The following ULK4 variants were observed in gnomAD, a reference collection of about 807,000 sequenced individuals.
ULK4 encodes the protein inactive serine/threonine-protein kinase ULK4.
Under a neutral mutation model 160.6 loss-of-function variants are expected in ULK4, and 133 were observed. The observed-to-expected ratio is 0.83, with a 90% CI of 0.72 to 0.96. ULK4 has a LOEUF of 0.96. ULK4 is among the 40% of genes least tolerant of loss of function. The pLI is 0.00. For missense variants in ULK4, 1,580 were observed against 1,499.5 expected, an observed-to-expected ratio of 1.05 and a Z score of -0.89; for synonymous variants, 534 against 539.8, an observed-to-expected ratio of 0.99 and a Z score of 0.15.
intron 5 of ULK4, 91 bp from the exon 6 acceptor site, chr3:41,919,909 G>T: frequency 1.4e-6 from 1 of 691,162 alleles, no homozygotes; most frequent in Non-Finnish European, 2.4e-6. Context: ...AGATGAAAAA[G>T]GGCAGGAGAA....
At chr3:41,478,031 T>C (rs2084199538) in intron 32 of ULK4, among the ~76,000 whole-genome samples, 2 of 152,360 alleles carry the variant, frequency 1.3e-5, no homozygotes, top group South Asian at 4.1e-4. Context: ...AACCCAGCTC[T>C]ACTCCTCCTC....
chr3:41,896,012 A>C (rs934212876), intron 15 of ULK4, among the ~76,000 whole-genome samples: 8 of 152,168 alleles, frequency 5.3e-5, no homozygotes, highest in Admixed American at 1.3e-4. Context: ...AAAACCAAAA[A>C]AACTCTGACA....
chr3:41,544,275 G>T (rs922421216), intron 32 of ULK4, among the ~76,000 whole-genome samples: 2 of 152,150 alleles, frequency 1.3e-5, no homozygotes, highest in Non-Finnish European at 2.9e-5. Context: ...GCCACAGAAT[G>T]GTCCATTCAT....
chr3:41,486,025 C>G (rs867825087), intron 32 of ULK4, among the ~76,000 whole-genome samples: 1 of 152,294 alleles, frequency 6.6e-6, no homozygotes, highest in Middle Eastern at 3.4e-3. Flanking sequence ...AACTGCCGTT[C>G]CTTGGTTTGC....
intron 4 of ULK4, among the ~76,000 whole-genome samples, chr3:41,932,670 T>C (rs1311160483): frequency 6.6e-6 from 1 of 152,246 alleles, no homozygotes; most frequent in Non-Finnish European, 1.5e-5. Context: ...CAGTAACTAA[T>C]GTTCTGTTAC....
intron 2 of ULK4, among the ~76,000 whole-genome samples, chr3:41,951,842 G>A (rs1323877193): frequency 1.3e-5 from 2 of 152,152 alleles, no homozygotes; most frequent in African/African-American, 4.8e-5. Context: ...TTCCTCTTCT[G>A]CCATGTGGGA....
intron 32 of ULK4, among the ~76,000 whole-genome samples, chr3:41,468,011 A>G (rs142669292): frequency 1.8e-4 from 28 of 152,350 alleles, no homozygotes; most frequent in African/African-American, 6.7e-4. Context: ...AGATAAATAA[A>G]GCAGTATGTG....
At chr3:41,426,481 C>T (rs2082778490) in intron 34 of ULK4, among the ~76,000 whole-genome samples, 1 of 152,118 alleles carries the variant, frequency 6.6e-6, no homozygotes. Context: ...CTTCTTGGTG[C>T]CAAATGGCAC....
At chr3:41,429,606 G>A (rs1484938313) in intron 34 of ULK4, among the ~76,000 whole-genome samples, 1 of 152,146 alleles carries the variant, frequency 6.6e-6, no homozygotes, top group African/African-American at 2.4e-5. Context: ...GGATGGAGCT[G>A]GAAGCCATTA....
chr3:41,927,920 C>A (rs1250472686), intron 5 of ULK4, among the ~76,000 whole-genome samples: 2 of 152,060 alleles, frequency 1.3e-5, no homozygotes, highest in Non-Finnish European at 2.9e-5. Flanking sequence ...GACTTTAACA[C>A]CCCACTGTCA....
chr3:41,879,917 G>C (rs1697448795), intron 17 of ULK4, among the ~76,000 whole-genome samples: 1 of 152,170 alleles, frequency 6.6e-6, no homozygotes, highest in African/African-American at 2.4e-5. Context: ...AAGAGTTCGT[G>C]ATCAGCCTGG....
chr3:41,282,923 G>T (rs1488724990), intron 35 of ULK4, among the ~76,000 whole-genome samples: 1 of 147,400 alleles, frequency 6.8e-6, no homozygotes, highest in Admixed American at 6.7e-5. Flanking sequence ...CTAATATCTA[G>T]AATCTACAAA....
At chr3:41,864,358 GTTT>G (rs2042570169) in intron 17 of ULK4, among the ~76,000 whole-genome samples, 1 of 78,844 alleles carries the variant, frequency 1.3e-5, no homozygotes, top group South Asian at 3.1e-4. Flanking sequence ...GTTTTGTTTT[GTTT>G]TGTTTTGTTT....
chr3:41,603,615 T>C (rs2032226431), intron 31 of ULK4, among the ~76,000 whole-genome samples: 1 of 151,562 alleles, frequency 6.6e-6, no homozygotes, highest in African/African-American at 2.4e-5. Context: ...CCATAGAACA[T>C]AAAGATAAAA....
chr3:41,247,013 G>C lies in ULK4; in HGVS notation c.3765-21C>G, dbSNP rs751299549. On this transcript the variant is annotated intron_variant, in intron 36 of 36. Transcript: ENST00000301831. ...ATGAACTGTAAGAAAAACCAAAGTA[G>C]GTACACTTAATAGGCATCTCTAAGG... The C allele has an allele frequency of 9.9e-6, 16 of 1,611,994 alleles. No homozygotes were observed. In the East Asian group the frequency reaches 3.6e-4, roughly 36 times the overall value.
intron 35 of ULK4, among the ~76,000 whole-genome samples, chr3:41,377,803 G>T (rs1478974211): frequency 1.4e-5 from 2 of 147,824 alleles, no homozygotes; most frequent in African/African-American, 5.1e-5. Flanking sequence ...AACCATTGTG[G>T]AAGTCAGTGT....
At chr3:41,440,860 G>T (rs955200676) in intron 34 of ULK4, among the ~76,000 whole-genome samples, 5 of 152,012 alleles carry the variant, frequency 3.3e-5, no homozygotes, top group Admixed American at 6.5e-5. Context: ...TTTCTTGAGT[G>T]AGTTTAATAG....
At chr3:41,643,366 G>C (rs1421281551) in intron 30 of ULK4, among the ~76,000 whole-genome samples, 3 of 152,166 alleles carry the variant, frequency 2.0e-5, no homozygotes, top group East Asian at 1.9e-4. Context: ...ATTAATTTTT[G>C]TATAAGGTGT....
At chr3:41,336,532 T>A (rs1307285589) in intron 35 of ULK4, among the ~76,000 whole-genome samples, 1 of 152,208 alleles carries the variant, frequency 6.6e-6, no homozygotes, top group Non-Finnish European at 1.5e-5. Flanking sequence ...ACACATGCCT[T>A]ATGGCGTAAG....
Sources: gnomAD v4.1 joint callset for allele counts (sites outside exome capture counted in the v4.1 genomes callset) on GRCh38, gnomAD v4.1.1 for gene constraint, MANE v1.5 for transcripts, NCBI Gene and HGNC (gene_info 2026-07-23, HGNC 2026-07-21) for gene names.